NSMCE2: variants seen among roughly 807,000 people sequenced by gnomAD.
The protein encoded by NSMCE2 is E3 SUMO-protein ligase NSE2.
A neutral mutation model predicts 23.8 loss-of-function variants in NSMCE2; 24 were observed. The observed-to-expected ratio is 1.01, with a 90% CI of 0.73 to 1.42. The LOEUF (loss-of-function observed/expected upper bound fraction) is 1.42, where lower values mean the gene tolerates loss of function less well. Ranked by LOEUF, NSMCE2 falls within the 40% of genes most tolerant of loss-of-function variation. NSMCE2 has a pLI of 0.00. For missense variants in NSMCE2, 284 were observed against 296.5 expected (o/e 0.96, Z 0.31); for synonymous variants, 92 against 94.1 (o/e 0.98, Z 0.13).
chr8:125,178,635 T>C (rs6470341), intron 4 of NSMCE2, among the ~76,000 whole-genome samples: 31,427 of 151,784 alleles, frequency 0.21, 4,156 homozygotes, highest in African/African-American at 0.37. Flanking sequence ...CTTTGGGAGG[T>C]GGAGGCGGGC....
At chr8:125,216,683 C>G (rs189388780) in intron 5 of NSMCE2, among the ~76,000 whole-genome samples, 1 of 151,328 alleles carries the variant, frequency 6.6e-6, no homozygotes. Flanking sequence ...TGCACAATGT[C>G]ATGTGTCCAC....
chr8:125,277,378 T>C (rs919326245), intron 5 of NSMCE2, among the ~76,000 whole-genome samples: 8 of 152,206 alleles, frequency 5.3e-5, no homozygotes, highest in African/African-American at 1.9e-4. Flanking sequence ...CTAAATAATA[T>C]GGTACTTTTC....
intron 5 of NSMCE2, among the ~76,000 whole-genome samples, chr8:125,341,424 G>T (rs569015207): frequency 2.0e-5 from 3 of 152,256 alleles, no homozygotes; most frequent in African/African-American, 7.2e-5. Flanking sequence ...GCTTACAACT[G>T]CAGGTAGTAT....
chr8:125,346,140 A>G (rs2131338962), intron 5 of NSMCE2, among the ~76,000 whole-genome samples: 1 of 152,230 alleles, frequency 6.6e-6, no homozygotes, highest in Middle Eastern at 3.4e-3. Flanking sequence ...CTGGGCTACA[A>G]GAGCGAAACT....
At chr8:125,160,707 A>G (rs1045024740) in intron 4 of NSMCE2, among the ~76,000 whole-genome samples, 48 of 152,338 alleles carry the variant, frequency 3.2e-4, no homozygotes, top group African/African-American at 1.2e-3. Flanking sequence ...ACCAGACAAC[A>G]AGTAAACATT....
chr8:125,239,328 G>T (rs1450933600), intron 5 of NSMCE2, among the ~76,000 whole-genome samples: 2 of 152,224 alleles, frequency 1.3e-5, no homozygotes, highest in East Asian at 3.9e-4. Context: ...TAAAAATTGG[G>T]TGGGGCACTG....
chr8:125,172,090 T>C (rs1221923795), intron 4 of NSMCE2, among the ~76,000 whole-genome samples: 1 of 152,242 alleles, frequency 6.6e-6, no homozygotes, highest in East Asian at 1.9e-4. Flanking sequence ...ATTGATTGTC[T>C]GAGTGGTGAA....
chr8:125,246,368 G>T (rs1825961740), intron 5 of NSMCE2, among the ~76,000 whole-genome samples: 1 of 151,902 alleles, frequency 6.6e-6, no homozygotes. Flanking sequence ...ATTTTTAGTA[G>T]AGACAGGGTT....
At chr8:125,258,058 A>G (rs1306816305) in intron 5 of NSMCE2, among the ~76,000 whole-genome samples, 1 of 152,232 alleles carries the variant, frequency 6.6e-6, no homozygotes, top group African/African-American at 2.4e-5. Flanking sequence ...GATGTGATTC[A>G]TGTAGTAGCA....
chr8:125,180,906 A>G (rs944634272), intron 4 of NSMCE2, among the ~76,000 whole-genome samples: 2 of 152,240 alleles, frequency 1.3e-5, no homozygotes, highest in African/African-American at 4.8e-5. Flanking sequence ...GGGCACTGGT[A>G]ATACCGTGAT....
intron 3 of NSMCE2, among the ~76,000 whole-genome samples, chr8:125,131,434 C>A (rs1398359015): frequency 6.6e-6 from 1 of 152,156 alleles, no homozygotes; most frequent in Admixed American, 6.6e-5. Flanking sequence ...AACAAAACTT[C>A]AGTAGGCAAG....
chr8:125,135,501 A>C (rs1820020089), intron 3 of NSMCE2, among the ~76,000 whole-genome samples: 1 of 152,078 alleles, frequency 6.6e-6, no homozygotes, highest in Non-Finnish European at 1.5e-5. Context: ...TTTTTCTAGA[A>C]ATTTTGTAGT....
At chr8:125,358,267 A>G (rs192205743) in intron 7 of NSMCE2, among the ~76,000 whole-genome samples, 2,006 of 151,708 alleles carry the variant, frequency 0.013, 18 homozygotes, top group Non-Finnish European at 0.021. Context: ...CAGGAGGCAG[A>G]GGTTGCAGTG....
chr8:125,348,279 T>G (rs1377690692), intron 5 of NSMCE2: 19 of 152,224 alleles, frequency 1.2e-4, no homozygotes, highest in Non-Finnish European at 5.9e-5. Flanking sequence ...TATTGTGTTC[T>G]AGCCATTTTT....
intron 4 of NSMCE2, among the ~76,000 whole-genome samples, chr8:125,158,668 C>T (rs1275429517): frequency 6.6e-6 from 1 of 152,188 alleles, no homozygotes; most frequent in African/African-American, 2.4e-5. Flanking sequence ...TGTAGATAGT[C>T]CACATACAGC....
At chr8:125,093,715 T>G (rs540234261) in intron 1 of NSMCE2, among the ~76,000 whole-genome samples, 1 of 151,978 alleles carries the variant, frequency 6.6e-6, no homozygotes, top group Non-Finnish European at 1.5e-5. Flanking sequence ...AGAGCGAAAC[T>G]CTGTCTCAAA....
At chr8:125,342,812 C>T (rs1320669377) in intron 5 of NSMCE2, among the ~76,000 whole-genome samples, 1 of 152,304 alleles carries the variant, frequency 6.6e-6, no homozygotes, top group South Asian at 2.1e-4. Flanking sequence ...AGCCCTGCCT[C>T]GATTGGCTCT....
At chr8:125,243,809 C>G (rs1422448822) in intron 5 of NSMCE2, among the ~76,000 whole-genome samples, 3 of 152,084 alleles carry the variant, frequency 2.0e-5, no homozygotes, top group African/African-American at 7.2e-5. Context: ...ATGGAGCATC[C>G]GTCACCTTAG....
intron 5 of NSMCE2, among the ~76,000 whole-genome samples, chr8:125,228,984 G>A (rs919192915): frequency 6.6e-6 from 1 of 152,228 alleles, no homozygotes; most frequent in African/African-American, 2.4e-5. Context: ...ATTGAGGTAA[G>A]ATGATAGCCT....
Sources: allele counts gnomAD v4.1 joint callset (sites outside exome capture counted in the v4.1 genomes callset), GRCh38; gene constraint gnomAD v4.1.1; transcripts MANE v1.5; gene names NCBI Gene and HGNC (gene_info 2026-07-23, HGNC 2026-07-21).